The following VAX2 variants were observed in gnomAD, a reference collection of about 807,000 sequenced individuals.
VAX2 encodes the protein ventral anterior homeobox 2.
Under a neutral mutation model 12.5 loss-of-function variants are expected in VAX2, and 8 were observed. The ratio of observed to expected loss-of-function variants is 0.64; its 90% CI spans 0.37 to 1.15. The LOEUF (loss-of-function observed/expected upper bound fraction) is 1.15, where lower values mean the gene tolerates loss of function less well. VAX2 is among the 50% of genes most tolerant of loss of function. The pLI, the probability that VAX2 is intolerant of heterozygous loss-of-function variation, is 0.01. For missense variants in VAX2, 476 were observed against 412.9 expected (o/e 1.15, Z -1.32); for synonymous variants, 183 against 187.6 (o/e 0.98, Z 0.20).
chr2:70,908,526 G>A (rs149686162), intron 1 of VAX2, among the ~76,000 whole-genome samples: 1 of 152,088 alleles, frequency 6.6e-6, no homozygotes, highest in Non-Finnish European at 1.5e-5. Flanking sequence ...AAGTGGACTA[G>A]GTGGATCATA....
intron 2 of VAX2, among the ~76,000 whole-genome samples, chr2:70,923,173 G>T (rs1421774765): frequency 3.9e-5 from 6 of 152,140 alleles, no homozygotes; most frequent in African/African-American, 1.4e-4. Flanking sequence ...ACACATAGTA[G>T]GCCCTCAGCA....
chr2:70,905,413 C>A lies in VAX2; in HGVS notation c.247+4545C>A, dbSNP rs534093789. Among the ~76,000 whole-genome samples the A allele has an allele frequency of 1.4e-4, 21 of 152,220 alleles. 1 individual carries two copies. Among genetic ancestry groups the A allele is most frequent in the African/African-American group, 5.1e-4 (21 of 41,524 alleles). ...CGGCAGGAGGCCCACATTCCCATAGCGTGCCTATTCCTATGCCGGGCCCTC... is the reference window on the plus strand; with the variant it reads ...CGGCAGGAGGCCCACATTCCCATAGAGTGCCTATTCCTATGCCGGGCCCTC... On this transcript the variant is annotated intron_variant, in intron 1 of 2. Coordinates refer to ENST00000234392, the MANE Select transcript of VAX2 (RefSeq NM_012476.3).
At chr2:70,919,182 C>T (rs1191017121) in intron 1 of VAX2, among the ~76,000 whole-genome samples, 3 of 139,166 alleles carry the variant, frequency 2.2e-5, no homozygotes, top group East Asian at 2.1e-4. Flanking sequence ...TGTGGTGAGC[C>T]GAGATGGTGC....
chr2:70,918,016 C>T (rs1444029267), intron 1 of VAX2, among the ~76,000 whole-genome samples: 1 of 152,242 alleles, frequency 6.6e-6, no homozygotes, highest in Non-Finnish European at 1.5e-5. Flanking sequence ...GCAAAGGAGA[C>T]TGATCCAGTC....
intron 2 of VAX2, among the ~76,000 whole-genome samples, chr2:70,926,470 C>T (rs1276367456): frequency 1.8e-4 from 27 of 152,148 alleles, no homozygotes; most frequent in African/African-American, 6.5e-4. Context: ...TTTTAGAAAC[C>T]TTCTGATACA....
chr2:70,917,322 C>CACATAAAT (rs1553412146), intron 1 of VAX2, among the ~76,000 whole-genome samples: 1 of 147,282 alleles, frequency 6.8e-6, no homozygotes, highest in African/African-American at 2.5e-5. Context: ...ACTCTATCTC[C>CACATAAAT]AAATAAATAA....
rs1678995107 is a variant in VAX2, at chr2:70,904,058, T to TGA, written c.247+3193_247+3194dup. Reference sequence around the variant, plus strand: ...ACACATGGGCACGGACCAGAGCTGCTGAGATGATAGGCCGGGCGCATAACA... The same window carrying TGA: ...ACACATGGGCACGGACCAGAGCTGCTGAGAGATGATAGGCCGGGCGCATAACA... On this transcript the variant is annotated intron_variant, in intron 1 of 2. Transcript: ENST00000234392. The surrounding 1 kb of genome is among the most constrained non-coding windows in gnomAD (Gnocchi z 4.2). Among the ~76,000 whole-genome samples, 3 of 152,292 alleles carry TGA rather than the reference T, an allele frequency of 2.0e-5. No homozygotes were observed. Among genetic ancestry groups the TGA allele is most frequent in the African/African-American group, 7.2e-5 (3 of 41,560 alleles).
intron 1 of VAX2, among the ~76,000 whole-genome samples, chr2:70,911,253 T>C (rs1267549003): frequency 2.0e-5 from 3 of 152,174 alleles, no homozygotes; most frequent in Non-Finnish European, 4.4e-5. Context: ...CTTAGTAGTA[T>C]ACAATAAACA....
chr2:70,902,014 G>A (rs1678945368), intron 1 of VAX2, among the ~76,000 whole-genome samples: 1 of 152,230 alleles, frequency 6.6e-6, no homozygotes, highest in Admixed American at 6.5e-5. Flanking sequence ...CGGCCCGAGC[G>A]GATTTCTTTG....
intron 1 of VAX2, among the ~76,000 whole-genome samples, chr2:70,911,444 G>T (rs1272963222): frequency 6.6e-6 from 1 of 152,132 alleles, no homozygotes; most frequent in Non-Finnish European, 1.5e-5. Context: ...CAACGTTTCT[G>T]TGTGATAGAA....
intron 1 of VAX2, among the ~76,000 whole-genome samples, chr2:70,912,618 C>T (rs1196201186): frequency 2.6e-5 from 4 of 152,096 alleles, no homozygotes; most frequent in Non-Finnish European, 4.4e-5. Context: ...GCTGAGATCA[C>T]GCCGTTGCAC....
At chr2:70,932,202 G>A (rs1298367857) in intron 2 of VAX2, among the ~76,000 whole-genome samples, 2 of 152,204 alleles carry the variant, frequency 1.3e-5, no homozygotes, top group Non-Finnish European at 2.9e-5. Flanking sequence ...GTGAGTGGAG[G>A]CAGCCATGAT....
At chr2:70,919,539 AT>A (rs112558707) in intron 1 of VAX2, among the ~76,000 whole-genome samples, 301 of 152,210 alleles carry the variant, frequency 2.0e-3, no homozygotes, top group African/African-American at 6.9e-3. Flanking sequence ...AAAGAAAAAA[AT>A]AATTAAAAAA....
chr2:70,927,706 G>T (rs1256279063), intron 2 of VAX2, among the ~76,000 whole-genome samples: 1 of 152,054 alleles, frequency 6.6e-6, no homozygotes, highest in Non-Finnish European at 1.5e-5. Context: ...AGTGGAAACT[G>T]TGCCCATCTC....
At chr2:70,930,015 T>C (rs990923834) in intron 2 of VAX2, among the ~76,000 whole-genome samples, 1 of 152,176 alleles carries the variant, frequency 6.6e-6, no homozygotes, top group Non-Finnish European at 1.5e-5. Flanking sequence ...GTAGGTCTCA[T>C]AACTTTCTGG....
rs1427882200 is a variant in VAX2 at position 70,904,164 on chromosome 2, G to A, written c.247+3296G>A. On this transcript the variant is annotated intron_variant, in intron 1 of 2. Coordinates refer to ENST00000234392, the MANE Select transcript of VAX2 (RefSeq NM_012476.3). The surrounding 1 kb of genome is among the most constrained non-coding windows in gnomAD (Gnocchi z 4.2). ...CCTGAGAAGGCCGCTCCACACCTCC[G>A]CGTGCACAGTCCCTAGACCAGTGAG... is the stretch of plus-strand genomic sequence containing the variant. Among the ~76,000 whole-genome samples, 1 of 152,206 alleles carries A rather than the reference G, an allele frequency of 6.6e-6. No homozygotes were observed. The highest frequency in any genetic ancestry group is 1.5e-5 in the Non-Finnish European group (1 of 68,030).
chr2:70,911,880 C>T (rs564218660), intron 1 of VAX2, among the ~76,000 whole-genome samples: 8 of 152,270 alleles, frequency 5.3e-5, no homozygotes, highest in East Asian at 1.9e-4. Context: ...CCTGCAGATG[C>T]GTTTATTTTT....
chr2:70,911,268 T>C (rs1679178746), intron 1 of VAX2, among the ~76,000 whole-genome samples: 1 of 152,170 alleles, frequency 6.6e-6, no homozygotes, highest in Non-Finnish European at 1.5e-5. Flanking sequence ...TAAACATCCA[T>C]CCAGGTTATG....
At chr2:70,915,918 A>G (rs1679297740) in intron 1 of VAX2, among the ~76,000 whole-genome samples, 2 of 151,942 alleles carry the variant, frequency 1.3e-5, no homozygotes, top group South Asian at 2.1e-4. Flanking sequence ...TATTCCATTT[A>G]TTTTCTTAAT....
Sources: gnomAD v4.1 joint callset for allele counts (sites outside exome capture counted in the v4.1 genomes callset) on GRCh38, gnomAD v4.1.1 for gene constraint, Gnocchi (gnomAD v3.1) non-coding constraint, MANE v1.5 for transcripts, NCBI Gene and HGNC (gene_info 2026-07-23, HGNC 2026-07-21) for gene names.